The following TMEM132D variants were observed in gnomAD, a reference collection of about 807,000 sequenced individuals.
TMEM132D encodes mature OL transmembrane protein.
A neutral mutation model predicts 62.3 loss-of-function variants in TMEM132D; 21 were observed. That is an observed-to-expected ratio of 0.34 (90% confidence interval 0.24 to 0.49). TMEM132D has a LOEUF of 0.49. TMEM132D is among the 20% of genes least tolerant of loss of function. The pLI, the probability that TMEM132D is intolerant of heterozygous loss-of-function variation, is 0.99. For missense variants in TMEM132D, 1,346 were observed against 1,402.8 expected, an observed-to-expected ratio of 0.96 and a Z score of 0.65; for synonymous variants, 621 against 575.6, an observed-to-expected ratio of 1.08 and a Z score of -1.13.
intron 5 of TMEM132D, among the ~76,000 whole-genome samples, chr12:129,097,801 C>T (rs1269147755): frequency 1.3e-5 from 2 of 152,230 alleles, no homozygotes; most frequent in Non-Finnish European, 2.9e-5. Context: ...TCACGTTTAA[C>T]TCAACATAAT....
At chr12:129,265,985 T>G (rs1158126748) in intron 4 of TMEM132D, among the ~76,000 whole-genome samples, 1 of 152,152 alleles carries the variant, frequency 6.6e-6, no homozygotes, top group Admixed American at 6.5e-5. Context: ...CTGCCTGGCT[T>G]GGCATGTAGT....
intron 3 of TMEM132D, among the ~76,000 whole-genome samples, chr12:129,434,304 T>A (rs1362079084): frequency 6.6e-6 from 1 of 152,126 alleles, no homozygotes; most frequent in Admixed American, 6.6e-5. Flanking sequence ...AGGTAACGGA[T>A]GAGAACATGA....
Position 129,653,061 on chromosome 12 carries a change from G to A in TMEM132D, c.968+46749C>T, listed in dbSNP as rs2137184557. On this transcript the variant is annotated intron_variant, in intron 2 of 8. Transcript: ENST00000422113. ...CAGTGGACGCATTTTAAGTCAGATG[G>A]TCAAGGAAGCTCTGTTGGATGGGGT... 1.3e-5 allele frequency among the ~76,000 whole-genome samples: 2 copies of A among 152,316 alleles called. 1 individual carries two copies. The highest frequency in any genetic ancestry group is 1.3e-4 in the Admixed American group (2 of 15,306).
intron 1 of TMEM132D, among the ~76,000 whole-genome samples, chr12:129,833,870 T>G (rs2137336808): frequency 6.6e-6 from 1 of 152,290 alleles, no homozygotes; most frequent in East Asian, 1.9e-4. Flanking sequence ...TCTCGGCTGT[T>G]GTTCCTAATG....
chr12:129,384,990 C>A (rs1871065582), intron 3 of TMEM132D, among the ~76,000 whole-genome samples: 1 of 151,714 alleles, frequency 6.6e-6, no homozygotes, highest in Non-Finnish European at 1.5e-5. Flanking sequence ...GAAACAGTCC[C>A]ATTCACCTCA....
In TMEM132D at chr12:129,205,376, GAA is replaced by G. The variant is rs35326308; in HGVS notation, c.1443+4142_1443+4143del. ...AGCAAGAGTTACAATCCTAATTTCA[GAA>G]AAAAAAAAAAAAAACTGACTTTAAA... On this transcript the variant is annotated intron_variant, in intron 5 of 8. Transcript: ENST00000422113. 6.1e-3 allele frequency among the ~76,000 whole-genome samples: 682 copies of G among 111,418 alleles called. 1 individual carries two copies. Among genetic ancestry groups the G allele is most frequent in the East Asian group, 0.017 (52 of 3,148 alleles). 73.1% of individuals were successfully genotyped at this position (111,418 alleles called of 152,430 possible). A position where few individuals can be genotyped will look rare whatever the true frequency, so the allele number is the denominator to read the frequency against.
chr12:129,107,061 T>A (rs1437810109), intron 5 of TMEM132D, among the ~76,000 whole-genome samples: 2 of 152,194 alleles, frequency 1.3e-5, no homozygotes, highest in Non-Finnish European at 2.9e-5. Flanking sequence ...CTGTATCATC[T>A]AGAACAGTGC....
At chr12:129,191,244 T>C (rs907226823) in intron 5 of TMEM132D, among the ~76,000 whole-genome samples, 3 of 151,656 alleles carry the variant, frequency 2.0e-5, no homozygotes, top group Non-Finnish European at 4.4e-5. Context: ...CATATATGTG[T>C]GCATACATAC....
intron 3 of TMEM132D, among the ~76,000 whole-genome samples, chr12:129,366,473 G>A (rs1870416860): frequency 6.6e-6 from 1 of 152,200 alleles, no homozygotes; most frequent in Non-Finnish European, 1.5e-5. Context: ...ATGATTGAAA[G>A]CTTCCCGAGA....
intron 2 of TMEM132D, among the ~76,000 whole-genome samples, chr12:129,613,756 GT>G (rs1878840248): frequency 7.3e-6 from 1 of 137,618 alleles, no homozygotes; most frequent in African/African-American, 2.5e-5. Context: ...CAGAACCAAG[GT>G]GACTGTCTCC....
intron 5 of TMEM132D, among the ~76,000 whole-genome samples, chr12:129,127,460 T>A (rs2135660328): frequency 6.6e-6 from 1 of 152,180 alleles, no homozygotes; most frequent in South Asian, 2.1e-4. Flanking sequence ...CCAGAAGGTT[T>A]CCCAAGAGCC....
chr12:129,694,101 T>G (rs1593122962), intron 2 of TMEM132D, among the ~76,000 whole-genome samples: 4 of 152,240 alleles, frequency 2.6e-5, no homozygotes, highest in Admixed American at 2.6e-4. Flanking sequence ...ATGGTGCATT[T>G]CCTTTGCTGT....
At chr12:129,117,391 T>C (rs1875927832) in intron 5 of TMEM132D, among the ~76,000 whole-genome samples, 2 of 152,166 alleles carry the variant, frequency 1.3e-5, no homozygotes, top group Admixed American at 1.3e-4. Context: ...CCCTAGACTG[T>C]ACAACACAAA....
rs1314524580 is a variant in TMEM132D at position 129,105,549 on chromosome 12, TA to T, written c.1444-20848del. ...CCTAATACTTAAAGTATAATAATAA[TA>T]AAAAAAAAGAAAAAAAAAAGAAAAA... On this transcript the variant is annotated intron_variant, in intron 5 of 8. Coordinates refer to ENST00000422113, the MANE Select transcript of TMEM132D (RefSeq NM_133448.3). Among the ~76,000 whole-genome samples, 17 of 84,288 alleles carry T rather than the reference TA, an allele frequency of 2.0e-4. 1 individual carries two copies. Among genetic ancestry groups the T allele is most frequent in the South Asian group, 4.3e-4 (1 of 2,316 alleles). 55.3% of individuals were successfully genotyped at this position (84,288 alleles called of 152,430 possible).
At chr12:129,758,156 C>A (rs1266673329) in intron 1 of TMEM132D, among the ~76,000 whole-genome samples, 1 of 152,116 alleles carries the variant, frequency 6.6e-6, no homozygotes, top group Non-Finnish European at 1.5e-5. Flanking sequence ...CCTCCTGCCT[C>A]GGCTTCCCAA....
rs77496590 is a variant in TMEM132D at position 129,525,946 on chromosome 12, C to T, written c.1115+5113G>A. 5.2e-3 allele frequency among the ~76,000 whole-genome samples: 797 copies of T among 152,304 alleles called. 5 individuals carry two copies. Among genetic ancestry groups the T allele is most frequent in the African/African-American group, 0.018 (759 of 41,556 alleles). ...GTCACGCCATTTTGATGACTTCATA[C>T]CACTGTCTCAGGTTTGTTTTTGGTT... is the stretch of plus-strand genomic sequence containing the variant. On this transcript the variant is annotated intron_variant, in intron 3 of 8. Coordinates refer to ENST00000422113, the MANE Select transcript of TMEM132D (RefSeq NM_133448.3).
intron 2 of TMEM132D, among the ~76,000 whole-genome samples, chr12:129,605,936 G>A (rs1878613852): frequency 6.6e-6 from 1 of 152,100 alleles, no homozygotes; most frequent in Non-Finnish European, 1.5e-5. Context: ...TGCTCCAGCT[G>A]CAACTCCCCT....
chr12:129,666,313 TTG>T (rs1362773604), intron 2 of TMEM132D, among the ~76,000 whole-genome samples: 1 of 152,172 alleles, frequency 6.6e-6, no homozygotes, highest in Non-Finnish European at 1.5e-5. Flanking sequence ...TATGTGTGTT[TTG>T]TGTGTGTCTG....
At chr12:129,149,326 A>G (rs1352666432) in intron 5 of TMEM132D, among the ~76,000 whole-genome samples, 3 of 152,052 alleles carry the variant, frequency 2.0e-5, no homozygotes, top group African/African-American at 4.8e-5. Context: ...GCACACCACC[A>G]TGGCGCAGGT....
Sources: allele counts gnomAD v4.1 joint callset (sites outside exome capture counted in the v4.1 genomes callset), GRCh38; gene constraint gnomAD v4.1.1; transcripts MANE v1.5; gene names NCBI Gene and HGNC (gene_info 2026-07-23, HGNC 2026-07-21).